LIMS1: variants seen among roughly 807,000 people sequenced by gnomAD.
LIMS1 encodes LIM and senescent cell antigen-like-containing domain protein 1.
Under a neutral mutation model 44.1 loss-of-function variants are expected in LIMS1, and 18 were observed. That is an observed-to-expected ratio of 0.41 (90% CI 0.28 to 0.61). The LOEUF is 0.61. Among genes scored for constraint, LIMS1 ranks in the 20% least tolerant of loss-of-function variants. The pLI, the probability that LIMS1 is intolerant of heterozygous loss-of-function variation, is 0.32. For missense variants in LIMS1, 201 were observed against 422.0 expected, an observed-to-expected ratio of 0.48 and a Z score of 4.59; for synonymous variants, 93 against 149.1, an observed-to-expected ratio of 0.62 and a Z score of 2.74.
intron 1 of LIMS1, among the ~76,000 whole-genome samples, chr2:108,633,933 G>C (rs1300809409): frequency 1.3e-5 from 2 of 152,158 alleles, no homozygotes; most frequent in Non-Finnish European, 2.9e-5. Context: ...CTCCATCGTG[G>C]TGTTTCTCCC....
chr2:108,622,605 A>C (rs912355689), intron 1 of LIMS1, among the ~76,000 whole-genome samples: 1 of 152,150 alleles, frequency 6.6e-6, no homozygotes, highest in South Asian at 2.1e-4. Context: ...CTTTGAATTG[A>C]CTGGATTAAA....
At chr2:108,668,166 C>G (rs1399489820) in intron 2 of LIMS1, among the ~76,000 whole-genome samples, 3 of 152,066 alleles carry the variant, frequency 2.0e-5, no homozygotes, top group Non-Finnish European at 4.4e-5. Context: ...TTTAACGTAT[C>G]CATCACCTTG....
intron 2 of LIMS1, among the ~76,000 whole-genome samples, chr2:108,662,029 T>C (rs923606741): frequency 2.6e-5 from 4 of 152,194 alleles, no homozygotes; most frequent in African/African-American, 7.2e-5. Context: ...ATATAAGATA[T>C]TTTTATTGAA....
chr2:108,559,118 A>G (rs1257505984), intron 1 of LIMS1, among the ~76,000 whole-genome samples: 1 of 152,200 alleles, frequency 6.6e-6, no homozygotes, highest in African/African-American at 2.4e-5. Flanking sequence ...CCACGAAATT[A>G]TTCTGTATGG....
At chr2:108,606,549 T>G (rs1283908498) in intron 1 of LIMS1, among the ~76,000 whole-genome samples, 1 of 152,230 alleles carries the variant, frequency 6.6e-6, no homozygotes, top group Non-Finnish European at 1.5e-5. Flanking sequence ...TGTATGAAGC[T>G]TCTGAACTGA....
rs1212103093 is a variant in LIMS1 at position 108,634,043 on chromosome 2, A to G, written c.33-25562A>G. 3.3e-5 allele frequency among the ~76,000 whole-genome samples: 5 copies of G among 152,306 alleles called. No individual in the cohort carries two copies. The South Asian group carries it at 1.0e-3, about 32-fold the overall frequency. ...GAGATGGGGACTGGATGCTGGCTGT[A>G]GCCTCTTTGTGGCTCCAAAGGAAAG... On this transcript the variant is annotated intron_variant, in intron 1 of 9. Transcript: ENST00000544547.
intron 1 of LIMS1, among the ~76,000 whole-genome samples, chr2:108,542,754 C>G (rs143610482): frequency 2.4e-4 from 36 of 152,296 alleles, no homozygotes; most frequent in African/African-American, 7.9e-4. Flanking sequence ...GTTCCCAAGT[C>G]TTACAACTCA....
chr2:108,582,108 TATTGATG>T (rs1685910278), intron 1 of LIMS1, among the ~76,000 whole-genome samples: 1 of 152,256 alleles, frequency 6.6e-6, no homozygotes, highest in South Asian at 2.1e-4. Context: ...TGTTGTGTGA[TATTGATG>T]AGTTAAGTCA....
chr2:108,656,318 T>TATAGATAG (rs61527656), intron 1 of LIMS1, among the ~76,000 whole-genome samples: 3,218 of 83,452 alleles, frequency 0.039, 30 homozygotes, highest in Middle Eastern at 0.054. Context: ...TCTATCTATC[T>TATAGATAG]ATAGATAGAT....
intron 2 of LIMS1, among the ~76,000 whole-genome samples, chr2:108,663,960 G>T (rs1472065712): frequency 6.6e-6 from 1 of 151,832 alleles, no homozygotes; most frequent in African/African-American, 2.4e-5. Context: ...CTCCATGTTG[G>T]TCAGGCTGGT....
intron 1 of LIMS1, among the ~76,000 whole-genome samples, chr2:108,636,770 A>G (rs888265341): frequency 6.6e-6 from 1 of 152,160 alleles, no homozygotes; most frequent in Non-Finnish European, 1.5e-5. Context: ...GCTTTCAAAA[A>G]CCATAGCTTC....
intron 1 of LIMS1, among the ~76,000 whole-genome samples, chr2:108,644,162 G>A (rs537775284): frequency 1.3e-5 from 2 of 152,282 alleles, no homozygotes; most frequent in Non-Finnish European, 2.9e-5. Context: ...GCTCTGATAA[G>A]GGACAGCCTG....
chr2:108,663,055 G>T (rs1691484502), intron 2 of LIMS1, among the ~76,000 whole-genome samples: 1 of 152,182 alleles, frequency 6.6e-6, no homozygotes, highest in African/African-American at 2.4e-5. Flanking sequence ...CCACTTACCA[G>T]AACATATATC....
At chr2:108,580,005 G>A (rs1409201028) in intron 1 of LIMS1, among the ~76,000 whole-genome samples, 1 of 152,240 alleles carries the variant, frequency 6.6e-6, no homozygotes, top group Non-Finnish European at 1.5e-5. Flanking sequence ...CCGGGTGGGA[G>A]CAAGGACAGC....
intron 1 of LIMS1, among the ~76,000 whole-genome samples, chr2:108,616,742 C>A (rs1207423571): frequency 6.6e-6 from 1 of 152,124 alleles, no homozygotes; most frequent in Non-Finnish European, 1.5e-5. Flanking sequence ...TGAGCCTACT[C>A]GCAATGGTAC....
rs1385313774 is a variant in LIMS1 at position 108,592,112 on chromosome 2, T to C, written c.32+57518T>C. ...GCCCAGCCTAGTTTTGTTTTTTTCA[T>C]GCGGGGACTTACAGTGATTTTAAAT... On this transcript the variant is annotated intron_variant, in intron 1 of 9. Coordinates refer to ENST00000544547, the Ensembl canonical transcript of LIMS1. Among the ~76,000 whole-genome samples the C allele has an allele frequency of 2.6e-5, 4 of 152,044 alleles. No individual in the cohort carries two copies. In the East Asian group the frequency reaches 7.7e-4, roughly 29 times the overall value.
At position 108,681,287 on chromosome 2, in the gene LIMS1, G is replaced by A. The variant is rs145032532; in HGVS notation, c.899+517G>A. 5.6e-3 allele frequency: 5,527 copies of A among 985,116 alleles called. 25 individuals are homozygous for A. The highest frequency in any genetic ancestry group is 0.012 in the East Asian group (104 of 8,806). 61.0% of individuals were successfully genotyped at this position (985,116 alleles called of 1,614,324 possible). A position where few individuals can be genotyped will look rare whatever the true frequency, so the allele number is the denominator to read the frequency against. The stretch of plus-strand genomic sequence containing the variant: ...CAAGTATTTGTCCTATGTAGAACTG[G>A]TCCTTTTGCATAACTGCTAAAATTA... On this transcript the variant is annotated intron_variant, in intron 9 of 9. Coordinates refer to ENST00000544547, the Ensembl canonical transcript of LIMS1.
intron 1 of LIMS1, among the ~76,000 whole-genome samples, chr2:108,570,287 C>G (rs903984239): frequency 2.0e-5 from 3 of 152,008 alleles, no homozygotes; most frequent in African/African-American, 7.2e-5. Context: ...AAACATTAGC[C>G]AGCATGGTGG....
intron 1 of LIMS1, among the ~76,000 whole-genome samples, chr2:108,609,032 G>C (rs916147323): frequency 1.3e-5 from 2 of 152,188 alleles, no homozygotes; most frequent in Non-Finnish European, 2.9e-5. Flanking sequence ...ATAGCTTGGA[G>C]ACAGCTGAGG....
Sources: allele counts gnomAD v4.1 joint callset (sites outside exome capture counted in the v4.1 genomes callset), GRCh38; gene constraint gnomAD v4.1.1; transcripts MANE v1.5; gene names NCBI Gene and HGNC (gene_info 2026-07-23, HGNC 2026-07-21).